Variants in TMPRSS6 observed in about 807,000 individuals in gnomAD.
The protein encoded by TMPRSS6 is transmembrane serine protease 6, also known as transmembrane protease serine 6.
Under a neutral mutation model 101.5 loss-of-function variants are expected in TMPRSS6, and 67 were observed. The ratio of observed to expected loss-of-function variants is 0.66; its 90% CI spans 0.54 to 0.81. The LOEUF is 0.81. Among genes scored for constraint, TMPRSS6 ranks in the 30% least tolerant of loss-of-function variants. The pLI, the probability that TMPRSS6 is intolerant of heterozygous loss-of-function variation, is 0.00. For missense variants in TMPRSS6, 1,034 were observed against 1,088.7 expected, an observed-to-expected ratio of 0.95 and a Z score of 0.71; for synonymous variants, 453 against 464.9, an observed-to-expected ratio of 0.97 and a Z score of 0.33.
At position 37,093,549 on chromosome 22, in the gene TMPRSS6, C is replaced by T. The variant is rs921685970; in HGVS notation, c.631+2002G>A. Among the ~76,000 whole-genome samples the T allele has an allele frequency of 8.6e-5, 13 of 150,396 alleles. No individual in the cohort carries two copies. In the East Asian group the frequency reaches 2.4e-3, roughly 27 times the overall value. On this transcript the variant is annotated intron_variant, in intron 6 of 17. Coordinates refer to ENST00000676104, the MANE Select transcript of TMPRSS6 (RefSeq NM_001374504.1). ...TCCTGACTGGTTAGGACTACAGGTG[C>T]GCACCACCATGCCCGGCTAATTTTT...
chr22:37,090,738 AAC>A (rs1281300693), intron 6 of TMPRSS6, among the ~76,000 whole-genome samples: 1 of 152,144 alleles, frequency 6.6e-6, no homozygotes, highest in African/African-American at 2.4e-5. Flanking sequence ...ATGGGACGAT[AAC>A]ACCACCCTTG....
At chr22:37,076,074 AAAG>A (rs775014795) in intron 10 of TMPRSS6, among the ~76,000 whole-genome samples, 54 of 149,244 alleles carry the variant, frequency 3.6e-4, no homozygotes, top group Non-Finnish European at 6.2e-4. Flanking sequence ...AAAGAAAAGA[AAAG>A]AAAGAAAGAG....
chr22:37,108,959 G>A (rs770635821), intron 1 of TMPRSS6, among the ~76,000 whole-genome samples: 4 of 152,250 alleles, frequency 2.6e-5, no homozygotes, highest in East Asian at 1.9e-4. Context: ...GACACGCGGA[G>A]GGATATACGC....
chr22:37,069,834 G>A lies in TMPRSS6; in HGVS notation c.1842-490C>T, dbSNP rs1926721207. Among the ~76,000 whole-genome samples, 1 of 152,220 alleles carries A rather than the reference G, an allele frequency of 6.6e-6. No homozygotes were observed. Among genetic ancestry groups the A allele is most frequent in the Non-Finnish European group, 1.5e-5 (1 of 68,030 alleles). ...ACTGCGGCAGTCAGCTGCCTGGGTG[G>A]CAGATGGGCAGCCTTCGGGTCTCTA... is the stretch of plus-strand genomic sequence containing the variant. On this transcript the variant is annotated intron_variant, in intron 15 of 17. Coordinates refer to ENST00000676104, the MANE Select transcript of TMPRSS6 (RefSeq NM_001374504.1). This position sits in a 1 kb window ranked among gnomAD's most constrained non-coding sequence, Gnocchi z 4.8.
chr22:37,106,314 G>A (rs888433190), intron 1 of TMPRSS6, among the ~76,000 whole-genome samples: 3 of 152,042 alleles, frequency 2.0e-5, no homozygotes, highest in East Asian at 3.9e-4. Context: ...ACTGAGGCTC[G>A]GAGCAGGTCG....
intron 10 of TMPRSS6, among the ~76,000 whole-genome samples, chr22:37,080,873 G>A (rs1266862318): frequency 6.6e-6 from 1 of 152,276 alleles, no homozygotes; most frequent in African/African-American, 2.4e-5. Flanking sequence ...AGCTGGCATG[G>A]GCCGCTAGAG....
chr22:37,072,229 TGGATGATG>T (rs1417886872), intron 13 of TMPRSS6, among the ~76,000 whole-genome samples: 8 of 70,810 alleles, frequency 1.1e-4, no homozygotes, highest in Admixed American at 3.2e-4. Context: ...GATGGATGGA[TGGATGATG>T]GATGGATGGA....
intron 1 of TMPRSS6, among the ~76,000 whole-genome samples, chr22:37,106,709 C>T (rs546214023): frequency 1.3e-5 from 2 of 152,288 alleles, no homozygotes; most frequent in South Asian, 4.1e-4. Context: ...AGCCACTTAT[C>T]ATCCAAACCC....
At chr22:37,068,549 G>T in intron 16 of TMPRSS6, 1 of 776,500 alleles carries the variant, frequency 1.3e-6, no homozygotes. Flanking sequence ...GGAAGAGCAG[G>T]GGCTCTGGAG....
At chr22:37,090,563 G>A (rs187574827) in intron 6 of TMPRSS6, among the ~76,000 whole-genome samples, 70 of 152,330 alleles carry the variant, frequency 4.6e-4, no homozygotes, top group South Asian at 4.1e-4. Flanking sequence ...CTACAGGCCA[G>A]AAACTGAACT....
At chr22:37,096,932 C>G (rs1244302826) in intron 3 of TMPRSS6, among the ~76,000 whole-genome samples, 1 of 152,122 alleles carries the variant, frequency 6.6e-6, no homozygotes, top group African/African-American at 2.4e-5. Context: ...CCACTACACC[C>G]GACTCTCACC....
chr22:37,076,302 C>T (rs981485220), intron 10 of TMPRSS6, among the ~76,000 whole-genome samples: 2 of 152,158 alleles, frequency 1.3e-5, no homozygotes, highest in Admixed American at 1.3e-4. Flanking sequence ...AGGGAAGGAC[C>T]AGTCCTTCTC....
chr22:37,091,009 C>T (rs917727210), intron 6 of TMPRSS6, among the ~76,000 whole-genome samples: 24 of 152,030 alleles, frequency 1.6e-4, no homozygotes, highest in African/African-American at 5.6e-4. Context: ...ACCCCACACA[C>T]CAGTGAGTCT....
chr22:37,069,431 A>C lies in TMPRSS6; in HGVS notation c.1842-87T>G. ...CCATCCAGGGACCCTCAAGATAGCCAGATCCCCGCCCGGGACAGTGCCCTC... is the reference window on the plus strand; with the variant it reads ...CCATCCAGGGACCCTCAAGATAGCCCGATCCCCGCCCGGGACAGTGCCCTC... On this transcript the variant is annotated intron_variant, in intron 15 of 17. Coordinates refer to ENST00000676104, the MANE Select transcript of TMPRSS6 (RefSeq NM_001374504.1). The surrounding 1 kb of genome is among the most constrained non-coding windows in gnomAD (Gnocchi z 4.8). 1 of 1,317,578 alleles carries C rather than the reference A, an allele frequency of 7.6e-7. No individual in the cohort carries two copies. The highest frequency in any genetic ancestry group is 2.0e-5 in the Admixed American group (1 of 48,824). 81.6% of individuals were successfully genotyped at this position (1,317,578 alleles called of 1,614,324 possible).
intron 6 of TMPRSS6, among the ~76,000 whole-genome samples, chr22:37,093,485 C>T (rs1189237470): frequency 7.1e-6 from 1 of 141,630 alleles, no homozygotes; most frequent in Admixed American, 7.5e-5. Context: ...TCACTGCAAG[C>T]TCCATCTTCC....
rs1407403551 is a variant in TMPRSS6, at chr22:37,103,666, G to T, written c.-1-248C>A. The T allele has an allele frequency of 5.8e-6, 8 of 1,371,360 alleles. No homozygotes were observed. Among genetic ancestry groups the T allele is most frequent in the Non-Finnish European group, 8.2e-6 (8 of 973,408 alleles). 84.9% of individuals were successfully genotyped at this position (1,371,360 alleles called of 1,614,324 possible). A position where few individuals can be genotyped will look rare whatever the true frequency, so the allele number is the denominator to read the frequency against. On this transcript the variant is annotated intron_variant, in intron 1 of 17. Coordinates refer to ENST00000676104, the MANE Select transcript of TMPRSS6 (RefSeq NM_001374504.1). This position sits in a 1 kb window ranked among gnomAD's most constrained non-coding sequence, Gnocchi z 4.4. The stretch of plus-strand genomic sequence containing the variant: ...GGTCTGGCTCAAGAACCCCACCTTT[G>T]CTTCCCACTGGCTTCCCTATGGTCA...
At chr22:37,095,735 C>A in intron 5 of TMPRSS6, 143 bp from the exon 6 acceptor site, 1 of 1,241,802 alleles carries the variant, frequency 8.1e-7, no homozygotes. Flanking sequence ...TCCCACCCTT[C>A]TTTCCTGGCT....
At chr22:37,072,389 GGATC>G (rs1927091410) in intron 13 of TMPRSS6, among the ~76,000 whole-genome samples, 3 of 145,834 alleles carry the variant, frequency 2.1e-5, no homozygotes, top group Non-Finnish European at 3.0e-5. Context: ...GATGGATGAT[GGATC>G]GATGGATGAT....
intron 7 of TMPRSS6, 23 bp downstream of exon 7, chr22:37,089,547 CTCCCTCCT>C: frequency 1.4e-6 from 2 of 1,397,438 alleles, no homozygotes; most frequent in Non-Finnish European, 2.0e-6. Flanking sequence ...TTTTCCAGCC[CTCCCTCCT>C]GCCCTCCTTC....
Sources: allele counts gnomAD v4.1 joint callset (sites outside exome capture counted in the v4.1 genomes callset), GRCh38; gene constraint gnomAD v4.1.1; non-coding constraint Gnocchi (gnomAD v3.1); transcripts MANE v1.5; gene names NCBI Gene and HGNC (gene_info 2026-07-23, HGNC 2026-07-21).